The following DDHD1 variants were observed in gnomAD, a reference collection of about 807,000 sequenced individuals.
DDHD1 encodes DDHD domain containing 1, also known as phospholipase DDHD1.
A neutral mutation model predicts 96.4 loss-of-function variants in DDHD1; 49 were observed. That is an observed-to-expected ratio of 0.51 (90% CI 0.40 to 0.64). The LOEUF is 0.64. Ranked by LOEUF, DDHD1 falls within the 30% of genes least tolerant of loss-of-function variation. The pLI is 0.00. For missense variants in DDHD1, 1,106 were observed against 1,161.2 expected (o/e 0.95, Z 0.69); for synonymous variants, 442 against 446.5 (o/e 0.99, Z 0.13).
chr14:53,049,929 T>G (rs1175340349), intron 12 of DDHD1, among the ~76,000 whole-genome samples: 2 of 152,210 alleles, frequency 1.3e-5, no homozygotes, highest in African/African-American at 4.8e-5. Flanking sequence ...TCTGCTACAT[T>G]CCATGTGGAA....
At position 53,044,398 on chromosome 14, in the gene DDHD1, G is replaced by C. The variant is rs1881869108; in HGVS notation, c.*2370C>G. The C allele has an allele frequency of 6.6e-6, 1 of 152,082 alleles. No individual in the cohort carries two copies. The allele number at this position is 152,082 out of a possible 1,614,324, so 9.4% of individuals were successfully genotyped here. A position where few individuals can be genotyped will look rare whatever the true frequency, so the allele number is the denominator to read the frequency against. On this transcript the variant is annotated 3_prime_UTR_variant, in exon 13 of 13. Coordinates refer to ENST00000673822, the MANE Select transcript of DDHD1 (RefSeq NM_001160148.2). ...TTTACTCAGTGATATCAAATTAAAA[G>C]GTCTGACATAATTTCACTCTTCTCA...
intron 6 of DDHD1, among the ~76,000 whole-genome samples, chr14:53,069,030 A>C (rs1449037808): frequency 6.6e-6 from 1 of 152,176 alleles, no homozygotes; most frequent in Admixed American, 6.5e-5. Flanking sequence ...ATGAACTTAT[A>C]ATTTTTTCAA....
chr14:53,065,611 A>G (rs944491143), intron 6 of DDHD1, among the ~76,000 whole-genome samples: 1 of 152,074 alleles, frequency 6.6e-6, no homozygotes, highest in African/African-American at 2.4e-5. Context: ...TTTTCCCCTA[A>G]CCATGACTTT....
chr14:53,065,199 A>G (rs188130059), intron 6 of DDHD1, among the ~76,000 whole-genome samples: 1 of 152,306 alleles, frequency 6.6e-6, no homozygotes, highest in Admixed American at 6.5e-5. Flanking sequence ...AATGAACGTA[A>G]GGAGGAAAAA....
intron 1 of DDHD1, among the ~76,000 whole-genome samples, chr14:53,132,594 G>T (rs560110445): frequency 1.3e-5 from 2 of 152,234 alleles, no homozygotes; most frequent in African/African-American, 4.8e-5. Context: ...AGAACTGTGC[G>T]TCAATATTTA....
chr14:53,060,993 A>T (rs990117746), intron 8 of DDHD1, 133 bp downstream of exon 8: 10 of 849,084 alleles, frequency 1.2e-5, no homozygotes, highest in Non-Finnish European at 1.8e-5. Flanking sequence ...AGTGTCCAAC[A>T]TATAGTATAT....
intron 4 of DDHD1, among the ~76,000 whole-genome samples, chr14:53,077,115 A>G (rs185897446): frequency 1.1e-4 from 16 of 152,254 alleles, no homozygotes; most frequent in Admixed American, 1.0e-3. Flanking sequence ...GGTGTTGTTT[A>G]ACATGTTCTT....
chr14:53,135,635 T>C (rs1166926666), intron 1 of DDHD1, among the ~76,000 whole-genome samples: 1 of 152,216 alleles, frequency 6.6e-6, no homozygotes, highest in African/African-American at 2.4e-5. Context: ...TTAACATTCC[T>C]GAACAGGAAG....
chr14:53,118,318 T>G (rs756820356), intron 1 of DDHD1, among the ~76,000 whole-genome samples: 1 of 152,176 alleles, frequency 6.6e-6, no homozygotes, highest in Admixed American at 6.5e-5. Flanking sequence ...ACGAGTTTGA[T>G]GAGTTGACAG....
At position 53,153,009 on chromosome 14, in the gene DDHD1, C is replaced by A. The variant is rs1426121525; in HGVS notation, c.90G>T (p.Ala30=). 6.5e-7 allele frequency: 1 copy of A among 1,533,968 alleles called. No individual in the cohort carries two copies. Among genetic ancestry groups the A allele is most frequent in the Admixed American group, 2.1e-5 (1 of 48,756 alleles). ...AGACGCCGCCGCCGAACGCTGGCCT[C>A]GCGTCTGAGCCCAGCTCCCAGGCGC... ...GGGAWELGSD[A]RPAFGGGVCC... Residue 30 remains alanine, a synonymous_variant, in exon 1 of 13, where the codon GCG becomes GCT. Coordinates refer to ENST00000673822, the MANE Select transcript of DDHD1 (RefSeq NM_001160148.2).
At chr14:53,128,593 A>G (rs747473573) in intron 1 of DDHD1, among the ~76,000 whole-genome samples, 2 of 152,232 alleles carry the variant, frequency 1.3e-5, no homozygotes, top group Non-Finnish European at 2.9e-5. Context: ...TTGGGGAGAT[A>G]TTAACCTTCA....
In DDHD1 at chr14:53,040,265, G is replaced by A. The variant is rs1481290316; in HGVS notation, c.*6503C>T. On this transcript the variant is annotated 3_prime_UTR_variant, in exon 13 of 13. Coordinates refer to ENST00000673822, the MANE Select transcript of DDHD1 (RefSeq NM_001160148.2). ...TATGCCTGTCTTTTCTAATATATAA[G>A]TGTACTTTATCCTCTGATGTTCTAG... 1 of 152,158 alleles carries A rather than the reference G, an allele frequency of 6.6e-6. No individual in the cohort carries two copies. Among genetic ancestry groups the A allele is most frequent in the Admixed American group, 6.6e-5 (1 of 15,264 alleles). The allele number at this position is 152,158 out of a possible 1,614,324, so 9.4% of individuals were successfully genotyped here.
At chr14:53,067,792 A>C (rs1884168475) in intron 6 of DDHD1, among the ~76,000 whole-genome samples, 1 of 152,166 alleles carries the variant, frequency 6.6e-6, no homozygotes, top group African/African-American at 2.4e-5. Flanking sequence ...AAATATATAA[A>C]ATGTTGCAAA....
In DDHD1 at chr14:53,051,889, G is replaced by A; in HGVS notation, c.2476C>T (p.Leu826Phe). Residue 826 changes from leucine to phenylalanine, a missense_variant, in exon 12 of 13, where the codon CTT (leucine) becomes TTT (phenylalanine). Coordinates refer to ENST00000673822, the MANE Select transcript of DDHD1 (RefSeq NM_001160148.2). The stretch of plus-strand genomic sequence containing the variant: ...TGCATTACATTTTCCGGAAAAAGAA[G>A]TTGTGGGAGATTAAAGAACGATTCT... Reference protein sequence around the residue: ...LQESFFNLPQLLFPENVMQNK... With the variant: ...LQESFFNLPQFLFPENVMQNK... 2 of 1,598,994 alleles carry A rather than the reference G, an allele frequency of 1.3e-6. No individual in the cohort carries two copies. Among genetic ancestry groups the A allele is most frequent in the Non-Finnish European group, 1.7e-6 (2 of 1,172,104 alleles).
At chr14:53,090,475 A>C (rs1886339657) in intron 4 of DDHD1, among the ~76,000 whole-genome samples, 1 of 152,238 alleles carries the variant, frequency 6.6e-6, no homozygotes, top group Non-Finnish European at 1.5e-5. Context: ...GAACCAACCC[A>C]AATGTTCATC....
At chr14:53,147,046 A>G (rs1891043307) in intron 1 of DDHD1, among the ~76,000 whole-genome samples, 1 of 151,534 alleles carries the variant, frequency 6.6e-6, no homozygotes, top group Non-Finnish European at 1.5e-5. Context: ...ATAACTACCT[A>G]TTTCCCAATC....
At chr14:53,072,849 C>T in intron 5 of DDHD1, 146 bp from the exon 6 acceptor site, 1 of 453,564 alleles carries the variant, frequency 2.2e-6, no homozygotes, top group South Asian at 5.4e-5. Context: ...TCTAATGGAT[C>T]TTCCCTTCCT....
chr14:53,086,109 T>C (rs933577089), intron 4 of DDHD1, among the ~76,000 whole-genome samples: 4 of 150,970 alleles, frequency 2.6e-5, no homozygotes, highest in East Asian at 3.9e-4. Flanking sequence ...GAAAAAAGAG[T>C]AAAAAGAAAC....
chr14:53,077,743 T>C (rs1885102089), intron 4 of DDHD1, among the ~76,000 whole-genome samples: 1 of 151,942 alleles, frequency 6.6e-6, no homozygotes, highest in South Asian at 2.1e-4. Context: ...ATTATCTAAT[T>C]TCATAACACG....
Sources: allele counts gnomAD v4.1 joint callset (sites outside exome capture counted in the v4.1 genomes callset), GRCh38; gene constraint gnomAD v4.1.1; transcripts MANE v1.5; gene names NCBI Gene and HGNC (gene_info 2026-07-23, HGNC 2026-07-21).